Variants in RAPGEF6 observed in about 807,000 individuals in gnomAD.
RAPGEF6 encodes Rap guanine nucleotide exchange factor 6.
RAPGEF6 carries 56 observed loss-of-function variants against 171.4 expected under a neutral mutation model. The observed-to-expected ratio is 0.33, with a 90% CI of 0.26 to 0.41. The LOEUF is 0.41. Ranked by LOEUF, RAPGEF6 falls within the 10% of genes least tolerant of loss-of-function variation. The probability of loss-of-function intolerance (pLI) is 1.00; values close to 1 mark genes in which losing one functional copy is unlikely to be tolerated. For synonymous variants in RAPGEF6, 692 were observed against 650.1 expected (o/e 1.06, Z -0.98); for missense variants, 1,674 against 1,921.4 (o/e 0.87, Z 2.41).
Position 131,472,718 on chromosome 5 carries a change from T to C in RAPGEF6, c.2108A>G (p.Asp703Gly). ...FSDGGLSQSQDDSIVGTRHCR... is the reference protein window; with the variant it reads ...FSDGGLSQSQGDSIVGTRHCR... ...GTGCCTTGTTCCCACAATGCTGTCA[T>C]CTTGTGATTGGCTTAGGCCTCCATC... is the stretch of plus-strand genomic sequence containing the variant. The change falls in exon 17 of 28, where the codon GAT becomes GGT. Residue 703 changes from aspartate (D) to glycine (G), a missense_variant. This residue lies in a region of RAPGEF6 where 1,116 missense variants were observed against 1,321.5 expected (regional missense o/e 0.84). Coordinates refer to ENST00000509018, the MANE Select transcript of RAPGEF6 (RefSeq NM_016340.6). The C allele has an allele frequency of 6.2e-7, 1 of 1,612,408 alleles. No homozygotes were observed.
intron 24 of RAPGEF6, among the ~76,000 whole-genome samples, chr5:131,434,556 T>G (rs1167048885): frequency 1.3e-5 from 2 of 152,248 alleles, no homozygotes; most frequent in Non-Finnish European, 2.9e-5. Flanking sequence ...GTTTTTTAAA[T>G]TGTTTTAGGT....
At chr5:131,543,166 A>T (rs1760268174) in intron 6 of RAPGEF6, among the ~76,000 whole-genome samples, 1 of 152,166 alleles carries the variant, frequency 6.6e-6, no homozygotes, top group African/African-American at 2.4e-5. Context: ...AACAAGTGAC[A>T]TTGTTAGAGC....
At chr5:131,581,849 T>A (rs1206452747) in intron 4 of RAPGEF6, among the ~76,000 whole-genome samples, 1 of 152,150 alleles carries the variant, frequency 6.6e-6, no homozygotes, top group Non-Finnish European at 1.5e-5. Flanking sequence ...GAATGTACTT[T>A]GTAACATTCC....
rs556976835 is a variant in RAPGEF6 at position 131,486,679 on chromosome 5, T to C, written c.1840+2867A>G. 1.4e-4 allele frequency among the ~76,000 whole-genome samples: 21 copies of C among 152,182 alleles called. No homozygotes were observed. In the East Asian group the frequency reaches 2.3e-3, roughly 17 times the overall value. On this transcript the variant is annotated intron_variant, in intron 15 of 27. Coordinates refer to ENST00000509018, the MANE Select transcript of RAPGEF6 (RefSeq NM_016340.6). ...GTAAGAGTTACTTCTTTCTCAATGA[T>C]TGTTGTTTATTCTTTCCTAATATCC... is the stretch of plus-strand genomic sequence containing the variant.
chr5:131,538,430 C>T (rs181859116), intron 6 of RAPGEF6, among the ~76,000 whole-genome samples: 61 of 152,268 alleles, frequency 4.0e-4, no homozygotes, highest in Middle Eastern at 3.4e-3. Flanking sequence ...GCAACTGTAA[C>T]ACAATGGTAA....
rs530086667 is a variant in RAPGEF6, at chr5:131,604,547, T to A, written c.140+76A>T. ...CTTAAAACAATAAGGAATATAAAGGTGCTTAACAAATATTTGGTGAATAAA... is the reference window on the plus strand; with the variant it reads ...CTTAAAACAATAAGGAATATAAAGGAGCTTAACAAATATTTGGTGAATAAA... On this transcript the variant is annotated intron_variant, in intron 2 of 27. Coordinates refer to ENST00000509018, the MANE Select transcript of RAPGEF6 (RefSeq NM_016340.6). 95 of 1,491,636 alleles carry A rather than the reference T, an allele frequency of 6.4e-5. No homozygotes were observed. In the South Asian group the frequency reaches 8.8e-4, roughly 14 times the overall value. 92.4% of individuals were successfully genotyped at this position (1,491,636 alleles called of 1,614,324 possible).
chr5:131,431,099 C>T lies in RAPGEF6; in HGVS notation c.4225G>A (p.Glu1409Lys). 1 of 1,614,172 alleles carries T rather than the reference C, an allele frequency of 6.2e-7. No homozygotes were observed. Among genetic ancestry groups the T allele is most frequent in the South Asian group, 1.1e-5 (1 of 91,084 alleles). ...CAGCTTTTAGAACAGGAATAGGGCT[C>T]AGAGTCAGTGGGTTCAACTTCAGCA... ...PIAEVEPTDSEPYSCSKSCSR... is the reference protein window; with the variant it reads ...PIAEVEPTDSKPYSCSKSCSR... Residue 1409 changes from glutamate to lysine, a missense_variant, in exon 26 of 28, where the codon GAG becomes AAG. By Grantham distance (56) the Glu-to-Lys change is moderately conservative. This residue lies in a region of RAPGEF6 where 552 missense variants were observed against 574.2 expected (regional missense o/e 0.96). Transcript: ENST00000509018.
intron 6 of RAPGEF6, chr5:131,532,301 T>G (rs1561541463): frequency 1.3e-5 from 3 of 234,448 alleles, no homozygotes; most frequent in Non-Finnish European, 2.7e-5. Context: ...CTTTTAAAAC[T>G]GAAATCAGGA....
intron 1 of RAPGEF6, among the ~76,000 whole-genome samples, chr5:131,624,486 G>A (rs995945856): frequency 6.6e-6 from 1 of 152,166 alleles, no homozygotes; most frequent in African/African-American, 2.4e-5. Context: ...TAGTCCTCTT[G>A]GCTGCCAGAA....
intron 7 of RAPGEF6, among the ~76,000 whole-genome samples, chr5:131,520,881 A>C (rs1381617586): frequency 6.6e-6 from 1 of 152,216 alleles, no homozygotes; most frequent in Non-Finnish European, 1.5e-5. Context: ...TGAAAAGCTC[A>C]GTAGGTTTGA....
At chr5:131,580,213 C>T (rs377082101) in intron 4 of RAPGEF6, among the ~76,000 whole-genome samples, 6 of 152,270 alleles carry the variant, frequency 3.9e-5, no homozygotes, top group East Asian at 3.9e-4. Context: ...AGAATTCGAG[C>T]GTGGCATGGG....
intron 6 of RAPGEF6, among the ~76,000 whole-genome samples, chr5:131,527,547 A>T (rs1457401107): frequency 6.6e-6 from 1 of 152,144 alleles, no homozygotes; most frequent in East Asian, 1.9e-4. Context: ...CTACATTTAA[A>T]ATGTATATAC....
At chr5:131,571,826 T>C (rs1762308404) in intron 4 of RAPGEF6, among the ~76,000 whole-genome samples, 1 of 152,182 alleles carries the variant, frequency 6.6e-6, no homozygotes, top group Non-Finnish European at 1.5e-5. Flanking sequence ...GGCCACACCA[T>C]GGTCAAGCCA....
At chr5:131,458,373 T>C (rs1753669989) in intron 19 of RAPGEF6, among the ~76,000 whole-genome samples, 2 of 152,186 alleles carry the variant, frequency 1.3e-5, no homozygotes, top group Admixed American at 6.5e-5. Context: ...ATGTTTGCCC[T>C]TCGCCTTCCA....
chr5:131,455,873 T>C lies in RAPGEF6; in HGVS notation c.3004A>G (p.Ser1002Gly). ...ATAATTGGAGGCTGCATACTTTGACTACTAAGAATATTTCTATACTTTGCC... is the reference window on the plus strand; with the variant it reads ...ATAATTGGAGGCTGCATACTTTGACCACTAAGAATATTTCTATACTTTGCC... ...NMAKYRNILS[S>G]QSMQPPIIPL... Residue 1002 changes from serine to glycine, a missense_variant, in exon 20 of 28, where the codon AGT (serine) becomes GGT (glycine). Ser to Gly is a moderately conservative substitution (Grantham distance 56). Around this residue, in one of 3 missense-constraint regions of RAPGEF6, gnomAD observed 1,116 missense variants for 1,321.5 expected, o/e 0.84. Transcript: ENST00000509018. The C allele has an allele frequency of 6.2e-7, 1 of 1,613,938 alleles. No homozygotes were observed. The highest frequency in any genetic ancestry group is 8.5e-7 in the Non-Finnish European group (1 of 1,179,808).
intron 1 of RAPGEF6, 106 bp downstream of exon 1, chr5:131,634,856 G>C (rs1766537565): frequency 8.0e-7 from 1 of 1,252,332 alleles, no homozygotes. Flanking sequence ...ATTCCCAGTA[G>C]CAGGTGCGAG....
chr5:131,546,220 G>C (rs1286255050), intron 6 of RAPGEF6, among the ~76,000 whole-genome samples: 4 of 152,166 alleles, frequency 2.6e-5, no homozygotes, highest in Non-Finnish European at 5.9e-5. Flanking sequence ...TACAGTTAAA[G>C]ATTCTTTCAT....
At chr5:131,602,698 T>C (rs1764329108) in intron 3 of RAPGEF6, among the ~76,000 whole-genome samples, 1 of 152,132 alleles carries the variant, frequency 6.6e-6, no homozygotes, top group African/African-American at 2.4e-5. Flanking sequence ...GAGGCGGAAG[T>C]TGCAGTGAGC....
In RAPGEF6 at chr5:131,495,544, G is replaced by C; in HGVS notation, c.1527+9C>G. 6.2e-7 allele frequency: 1 copy of C among 1,607,468 alleles called. No individual in the cohort carries two copies. Among genetic ancestry groups the C allele is most frequent in the Non-Finnish European group, 8.5e-7 (1 of 1,174,382 alleles). ...CACTCTGAAGAATAGAAATTATTTTGAGCCTTACTGTATCTTCCAGATTTT... is the reference window on the plus strand; with the variant it reads ...CACTCTGAAGAATAGAAATTATTTTCAGCCTTACTGTATCTTCCAGATTTT... On this transcript the variant is annotated intron_variant, in intron 13 of 27. Coordinates refer to ENST00000509018, the MANE Select transcript of RAPGEF6 (RefSeq NM_016340.6).
Sources: allele counts gnomAD v4.1 joint callset (sites outside exome capture counted in the v4.1 genomes callset), GRCh38; gene constraint gnomAD v4.1.1; regional missense constraint gnomAD v4.1.1; transcripts MANE v1.5; gene names NCBI Gene and HGNC (gene_info 2026-07-23, HGNC 2026-07-21).